Variants in SYT14 observed in about 807,000 individuals in gnomAD.
SYT14 encodes the protein synaptotagmin-14.
Under a neutral mutation model 74.2 loss-of-function variants are expected in SYT14, and 32 were observed. The observed-to-expected ratio is 0.43, with a 90% CI of 0.33 to 0.58. The LOEUF is 0.58. Ranked by LOEUF, SYT14 falls within the 20% of genes least tolerant of loss-of-function variation. SYT14 has a pLI of 0.05. For missense variants in SYT14, 791 were observed against 981.8 expected, an observed-to-expected ratio of 0.81 and a Z score of 2.60; for synonymous variants, 298 against 337.7, an observed-to-expected ratio of 0.88 and a Z score of 1.29.
At chr1:210,086,021 T>C (rs1023892805) in intron 5 of SYT14, among the ~76,000 whole-genome samples, 5 of 152,178 alleles carry the variant, frequency 3.3e-5, no homozygotes, top group East Asian at 1.9e-4. Flanking sequence ...ATTTTCTTTA[T>C]TGGGGAGGTT....
At chr1:210,072,736 G>T (rs749893305) in intron 5 of SYT14, among the ~76,000 whole-genome samples, 5 of 151,938 alleles carry the variant, frequency 3.3e-5, no homozygotes, top group Non-Finnish European at 5.9e-5. Context: ...CTACCCCTGA[G>T]ATTTACTTTC....
intron 5 of SYT14, among the ~76,000 whole-genome samples, chr1:210,028,217 T>C (rs1021345719): frequency 6.8e-6 from 1 of 146,628 alleles, no homozygotes; most frequent in Admixed American, 6.8e-5. Context: ...GATTCATCCA[T>C]GTTGTAGCAT....
chr1:210,037,381 T>A (rs1376847286), intron 5 of SYT14, among the ~76,000 whole-genome samples: 1 of 151,998 alleles, frequency 6.6e-6, no homozygotes, highest in Non-Finnish European at 1.5e-5. Context: ...AGAACTACGT[T>A]TCATTTGCAT....
exon 4 of SYT14, chr1:210,015,868 C>T: frequency 8.2e-7 from 1 of 1,220,858 alleles, no homozygotes; most frequent in Non-Finnish European, 1.0e-6. Context: ...AGATTAAAAG[C>T]TACAATGTGA....
intron 7 of SYT14, among the ~76,000 whole-genome samples, chr1:210,145,066 A>G (rs2083002524): frequency 6.6e-6 from 1 of 152,236 alleles, no homozygotes; most frequent in Non-Finnish European, 1.5e-5. Flanking sequence ...TGTAGTTCTT[A>G]GTATGCGCTA....
chr1:210,099,896 A>T, intron 6 of SYT14, 116 bp from the exon 6 acceptor site: 1 of 1,014,510 alleles, frequency 9.9e-7, no homozygotes, highest in Non-Finnish European at 1.5e-6. Flanking sequence ...TTATTGTATT[A>T]CTTTCTTTGT....
Position 209,942,508 on chromosome 1 carries a change from A to G in SYT14, c.-534+4231A>G, listed in dbSNP as rs2078752314. 1.3e-5 allele frequency among the ~76,000 whole-genome samples: 2 copies of G among 152,084 alleles called. 1 individual carries two copies. The highest frequency in any genetic ancestry group is 4.2e-4 in the South Asian group (2 of 4,810). ...ATAACTAAGTCCTGCCAAGTCTACA[A>G]TTCAAATCAATTTGTGCTGCTTGGT... On this transcript the variant is annotated intron_variant, in intron 1 of 9. Transcript: ENST00000637265.
chr1:210,046,967 C>T (rs1393984374), intron 5 of SYT14, among the ~76,000 whole-genome samples: 1 of 152,116 alleles, frequency 6.6e-6, no homozygotes, highest in Admixed American at 6.5e-5. Context: ...ATTATATTAA[C>T]ATCATATAGC....
At chr1:210,016,010 T>C in exon 4 of SYT14, 1 of 1,232,060 alleles carries the variant, frequency 8.1e-7, no homozygotes, top group Non-Finnish European at 1.0e-6. Flanking sequence ...GAAAATGGCA[T>C]TTTTCAGAAA....
intron 7 of SYT14, among the ~76,000 whole-genome samples, chr1:210,113,066 A>G (rs902649758): frequency 1.3e-5 from 2 of 151,450 alleles, no homozygotes; most frequent in Admixed American, 6.6e-5. Flanking sequence ...GCACGCAGAC[A>G]TGAGAGCTAA....
intron 6 of SYT14, among the ~76,000 whole-genome samples, chr1:210,097,359 A>G (rs186231252): frequency 2.6e-5 from 4 of 152,170 alleles, no homozygotes; most frequent in Non-Finnish European, 5.9e-5. Flanking sequence ...TTGATAACCT[A>G]TTGCTATCTA....
chr1:210,010,224 A>C (rs1466802978), intron 2 of SYT14, among the ~76,000 whole-genome samples: 1 of 152,142 alleles, frequency 6.6e-6, no homozygotes, highest in Non-Finnish European at 1.5e-5. Flanking sequence ...GTTCTTTGAC[A>C]ATTTGGACCT....
At chr1:209,970,396 G>A (rs1373753775) in intron 2 of SYT14, among the ~76,000 whole-genome samples, 1 of 151,902 alleles carries the variant, frequency 6.6e-6, no homozygotes, top group Non-Finnish European at 1.5e-5. Context: ...TTTCTGGGTT[G>A]TCTGTTCTGT....
At chr1:210,163,884 G>A (rs2083423593) in exon 10 of SYT14, 1 of 453,590 alleles carries the variant, frequency 2.2e-6, no homozygotes, top group Non-Finnish European at 4.4e-6. Flanking sequence ...GGACCTACTG[G>A]TAGGGAGCAG....
chr1:210,161,775 A>T (rs1338334895), exon 10 of SYT14: 2 of 453,818 alleles, frequency 4.4e-6, no homozygotes, highest in Non-Finnish European at 8.8e-6. Flanking sequence ...TCTTCTAGAC[A>T]GGTTGTACTG....
At chr1:210,073,577 A>C (rs926237011) in intron 5 of SYT14, among the ~76,000 whole-genome samples, 1 of 152,092 alleles carries the variant, frequency 6.6e-6, no homozygotes, top group African/African-American at 2.4e-5. Context: ...AAAGCTAATT[A>C]GTTCTCATTC....
chr1:210,016,632 TGTATGAGCA>T, exon 4 of SYT14: 1 of 1,231,608 alleles, frequency 8.1e-7, no homozygotes, highest in Non-Finnish European at 1.0e-6. Flanking sequence ...ATAAACAAAT[TGTATGAGCA>T]AAAGAAATAT....
At chr1:210,035,921 G>GT (rs1291694418) in intron 5 of SYT14, among the ~76,000 whole-genome samples, 1 of 151,870 alleles carries the variant, frequency 6.6e-6, no homozygotes, top group Non-Finnish European at 1.5e-5. Flanking sequence ...TTTGGGGATT[G>GT]TTTTTTCTAA....
intron 5 of SYT14, among the ~76,000 whole-genome samples, chr1:210,025,975 CT>C (rs1386566902): frequency 2.0e-5 from 3 of 152,000 alleles, no homozygotes; most frequent in African/African-American, 7.2e-5. Flanking sequence ...TCAGTTGGTC[CT>C]TTAGAGCAGG....
Sources: gnomAD v4.1 joint callset for allele counts (sites outside exome capture counted in the v4.1 genomes callset) on GRCh38, gnomAD v4.1.1 for gene constraint, MANE v1.5 for transcripts, NCBI Gene and HGNC (gene_info 2026-07-23, HGNC 2026-07-21) for gene names.